Variants in INPP5B observed in about 807,000 individuals in gnomAD.
INPP5B encodes the protein type II inositol 1,4,5-trisphosphate 5-phosphatase.
INPP5B carries 90 observed loss-of-function variants against 118.5 expected under a neutral mutation model. The observed-to-expected ratio is 0.76, with a 90% CI of 0.64 to 0.90. The LOEUF is 0.90. Ranked by LOEUF, INPP5B falls within the 40% of genes least tolerant of loss-of-function variation. The pLI, the probability that INPP5B is intolerant of heterozygous loss-of-function variation, is 0.00. For synonymous variants in INPP5B, 385 were observed against 418.9 expected (o/e 0.92, Z 0.99); for missense variants, 984 against 1,125.6 (o/e 0.87, Z 1.80).
At chr1:37,867,427 A>G (rs1642113921) in intron 20 of INPP5B, among the ~76,000 whole-genome samples, 1 of 152,224 alleles carries the variant, frequency 6.6e-6, no homozygotes, top group Non-Finnish European at 1.5e-5. Flanking sequence ...TGACTTCTCT[A>G]GCCAGATTCA....
intron 7 of INPP5B, among the ~76,000 whole-genome samples, chr1:37,896,242 G>A (rs551963572): frequency 5.0e-5 from 7 of 140,020 alleles, no homozygotes; most frequent in Non-Finnish European, 9.5e-5. Flanking sequence ...CCTGGCAACC[G>A]CCCCGTCTGA....
intron 7 of INPP5B, among the ~76,000 whole-genome samples, chr1:37,902,816 C>T (rs1557675250): frequency 6.6e-6 from 1 of 151,926 alleles, no homozygotes; most frequent in Non-Finnish European, 1.5e-5. Flanking sequence ...CCTCAGCCTC[C>T]CAAAATATAT....
At chr1:37,911,249 A>G (rs889559413) in intron 7 of INPP5B, among the ~76,000 whole-genome samples, 9 of 151,948 alleles carry the variant, frequency 5.9e-5, no homozygotes, top group Non-Finnish European at 1.2e-4. Context: ...TCCTCCTCAC[A>G]CTTGACGCAT....
At chr1:37,943,076 C>A (rs565506384) in intron 5 of INPP5B, among the ~76,000 whole-genome samples, 1 of 151,834 alleles carries the variant, frequency 6.6e-6, no homozygotes, top group Admixed American at 6.6e-5. Context: ...TCTTGGCTCA[C>A]GGCAACCTCC....
rs375324242 is a variant in INPP5B at position 37,945,758 on chromosome 1, G to C, written c.150C>G (p.His50Gln). The C allele has an allele frequency of 6.2e-7, 1 of 1,612,992 alleles. No individual in the cohort carries two copies. The highest frequency in any genetic ancestry group is 1.7e-5 in the Admixed American group (1 of 59,968). The change falls in exon 3 of 24, where the codon CAC becomes CAG. Residue 50 changes from histidine to glutamine, a missense_variant and splice_region_variant. Around this residue, in one of 2 missense-constraint regions of INPP5B, gnomAD observed 350 missense variants for 334.6 expected, o/e 1.05. Coordinates refer to ENST00000373024, the MANE Select transcript of INPP5B (RefSeq NM_005540.3). ...TGGGGACCAAGCCCCTCACTCACGC[G>C]TGTTCCTGGCCGCCGTGCTCCAGGC... ...RYRLEHGGQE[H>Q]ALFLYTHRRM...
At chr1:37,904,769 C>T (rs993929873) in intron 7 of INPP5B, among the ~76,000 whole-genome samples, 3 of 151,158 alleles carry the variant, frequency 2.0e-5, no homozygotes, top group Non-Finnish European at 2.9e-5. Context: ...CCCAGCTACT[C>T]GGGAGGCTGA....
chr1:37,896,783 G>A (rs1170006480), intron 7 of INPP5B, among the ~76,000 whole-genome samples: 2 of 140,884 alleles, frequency 1.4e-5, no homozygotes, highest in African/African-American at 5.2e-5. Flanking sequence ...GAGGTGGGGG[G>A]GTCAGCCCCC....
rs147875109 is a variant in INPP5B, at chr1:37,882,930, G to A, written c.1320-12C>T. On this transcript the variant is annotated splice_polypyrimidine_tract_variant and intron_variant, in intron 13 of 23. Coordinates refer to ENST00000373024, the MANE Select transcript of INPP5B (RefSeq NM_005540.3). ...GCCACAAGATCACACTGTGAGGACA[G>A]AGCACAAAGGTAACAGGGTTTAGGA... 3 of 1,614,068 alleles carry A rather than the reference G, an allele frequency of 1.9e-6. No homozygotes were observed. Among genetic ancestry groups the A allele is most frequent in the Non-Finnish European group, 2.5e-6 (3 of 1,179,962 alleles).
At chr1:37,933,647 G>A (rs967211237) in intron 6 of INPP5B, among the ~76,000 whole-genome samples, 3 of 151,976 alleles carry the variant, frequency 2.0e-5, no homozygotes, top group Non-Finnish European at 2.9e-5. Flanking sequence ...CTGAACCTGG[G>A]AGGTGGAGGT....
intron 7 of INPP5B, among the ~76,000 whole-genome samples, chr1:37,916,309 G>A (rs1212305765): frequency 1.3e-5 from 2 of 151,834 alleles, no homozygotes; most frequent in African/African-American, 2.4e-5. Context: ...GCCCAGTCTG[G>A]TCTCGAACTC....
At chr1:37,932,901 C>A (rs1177572666) in intron 6 of INPP5B, among the ~76,000 whole-genome samples, 1 of 152,180 alleles carries the variant, frequency 6.6e-6, no homozygotes, top group African/African-American at 2.4e-5. Context: ...CTTAACCAGA[C>A]TGCCACTCTC....
intron 7 of INPP5B, among the ~76,000 whole-genome samples, chr1:37,914,961 C>T (rs1423558853): frequency 6.6e-6 from 1 of 152,158 alleles, no homozygotes; most frequent in Non-Finnish European, 1.5e-5. Flanking sequence ...TCATTGACCA[C>T]CTTTCATGCC....
At chr1:37,883,023 T>C in intron 13 of INPP5B, 105 bp from the exon 14 acceptor site, 2 of 1,493,208 alleles carry the variant, frequency 1.3e-6, no homozygotes, top group Non-Finnish European at 1.8e-6. Context: ...TCTTGGGAGG[T>C]GGGTGGGAAA....
intron 15 of INPP5B, among the ~76,000 whole-genome samples, chr1:37,878,821 T>C (rs1053864066): frequency 1.3e-5 from 2 of 151,594 alleles, no homozygotes; most frequent in African/African-American, 4.8e-5. Flanking sequence ...GGCTAATTTT[T>C]TGTATTTTAG....
chr1:37,876,552 TAA>T lies in INPP5B; in HGVS notation c.1678-838_1678-837del, dbSNP rs34854182. 7.5e-3 allele frequency among the ~76,000 whole-genome samples: 410 copies of T among 54,574 alleles called. 1 individual carries two copies. The highest frequency in any genetic ancestry group is 9.2e-3 in the South Asian group (9 of 974). 35.8% of individuals were successfully genotyped at this position (54,574 alleles called of 152,430 possible). On this transcript the variant is annotated intron_variant, in intron 16 of 23. Coordinates refer to ENST00000373024, the MANE Select transcript of INPP5B (RefSeq NM_005540.3). ...GCAAGACAGCAAGATGCTGTCTCTTTAAAAAAAAAAAAAAAAAAAAAAAAAAA... is the reference window on the plus strand; with the variant it reads ...GCAAGACAGCAAGATGCTGTCTCTTTAAAAAAAAAAAAAAAAAAAAAAAAA...
At chr1:37,884,718 G>A (rs1485471663) in intron 13 of INPP5B, among the ~76,000 whole-genome samples, 4 of 152,144 alleles carry the variant, frequency 2.6e-5, no homozygotes, top group East Asian at 1.9e-4. Context: ...TTGGGAGGCC[G>A]AGGTGGGCGG....
intron 17 of INPP5B, among the ~76,000 whole-genome samples, chr1:37,874,624 C>A (rs570413606): frequency 9.9e-5 from 15 of 152,116 alleles, no homozygotes; most frequent in Non-Finnish European, 2.1e-4. Context: ...ATGGCAAAAC[C>A]CCATCTCTAC....
At chr1:37,908,903 G>A (rs1432202548) in intron 7 of INPP5B, among the ~76,000 whole-genome samples, 1 of 151,978 alleles carries the variant, frequency 6.6e-6, no homozygotes. Flanking sequence ...CTTCACTATG[G>A]GCAACCTTCC....
intron 17 of INPP5B, 124 bp from the exon 18 acceptor site, chr1:37,874,279 T>G: frequency 1.5e-6 from 1 of 656,714 alleles, no homozygotes; most frequent in Middle Eastern, 2.8e-4. Context: ...TGTTTCTGCT[T>G]TAAGTATCTA....
Sources: gnomAD v4.1 joint callset for allele counts (sites outside exome capture counted in the v4.1 genomes callset) on GRCh38, gnomAD v4.1.1 for gene constraint, gnomAD v4.1.1 regional missense constraint, MANE v1.5 for transcripts, NCBI Gene and HGNC (gene_info 2026-07-23, HGNC 2026-07-21) for gene names.